The following TBC1D1 variants were observed in gnomAD, a reference collection of about 807,000 sequenced individuals.
TBC1D1 encodes the protein TBC1 domain family member 1.
Under a neutral mutation model 125.6 loss-of-function variants are expected in TBC1D1, and 89 were observed. The ratio of observed to expected loss-of-function variants is 0.71; its 90% confidence interval spans 0.60 to 0.85. The LOEUF is 0.85. Ranked by LOEUF, TBC1D1 falls within the 40% of genes least tolerant of loss-of-function variation. The probability of loss-of-function intolerance (pLI) is 0.00; values close to 1 mark genes in which losing one functional copy is unlikely to be tolerated. For synonymous variants in TBC1D1, 565 were observed against 564.1 expected, an observed-to-expected ratio of 1.00 and a Z score of -0.02; for missense variants, 1,377 against 1,469.2, an observed-to-expected ratio of 0.94 and a Z score of 1.03.
intron 12 of TBC1D1, among the ~76,000 whole-genome samples, chr4:38,077,006 A>G (rs1452602318): frequency 6.6e-6 from 1 of 152,096 alleles, no homozygotes; most frequent in Non-Finnish European, 1.5e-5. Context: ...ACTCAGATTT[A>G]GGCTCCGTTT....
chr4:38,098,924 G>T (rs892194115), intron 14 of TBC1D1, among the ~76,000 whole-genome samples: 2 of 152,128 alleles, frequency 1.3e-5, no homozygotes, highest in Non-Finnish European at 2.9e-5. Context: ...CAGGATTAGG[G>T]TATCAATTTA....
intron 12 of TBC1D1, among the ~76,000 whole-genome samples, chr4:38,059,312 C>T (rs563497029): frequency 6.6e-6 from 1 of 152,280 alleles, no homozygotes; most frequent in African/African-American, 2.4e-5. Context: ...TCCTGAACCT[C>T]AGAGGGTCCC....
intron 1 of TBC1D1, among the ~76,000 whole-genome samples, chr4:37,892,830 G>A (rs547493271): frequency 2.0e-5 from 3 of 151,994 alleles, no homozygotes; most frequent in South Asian, 2.1e-4. Flanking sequence ...AGGAGGAAAC[G>A]TGCAACTCTG....
intron 2 of TBC1D1, among the ~76,000 whole-genome samples, chr4:37,971,997 A>C (rs1229692985): frequency 6.6e-6 from 1 of 151,992 alleles, no homozygotes; most frequent in African/African-American, 2.4e-5. Flanking sequence ...TGAGAATTTG[A>C]CCTTTGCTCC....
intron 2 of TBC1D1, among the ~76,000 whole-genome samples, chr4:37,948,379 G>C (rs1727155835): frequency 1.3e-5 from 2 of 152,294 alleles, no homozygotes; most frequent in African/African-American, 4.8e-5. Flanking sequence ...GTTAATTCCA[G>C]CCCTATGGGA....
intron 2 of TBC1D1, among the ~76,000 whole-genome samples, chr4:38,003,468 CA>C (rs1220732025): frequency 6.6e-6 from 1 of 152,276 alleles, no homozygotes; most frequent in East Asian, 1.9e-4. Context: ...ATATGACTGG[CA>C]TTATCTATTG....
chr4:38,070,613 T>C (rs1754538896), intron 12 of TBC1D1, among the ~76,000 whole-genome samples: 1 of 152,210 alleles, frequency 6.6e-6, no homozygotes, highest in African/African-American at 2.4e-5. Flanking sequence ...GATTTTGGAA[T>C]ATTTACCAAA....
chr4:37,901,460 C>T (rs1457954117), intron 1 of TBC1D1, among the ~76,000 whole-genome samples: 1 of 152,060 alleles, frequency 6.6e-6, no homozygotes, highest in Non-Finnish European at 1.5e-5. Context: ...CCTGGCCTAA[C>T]ATTGATATCT....
intron 2 of TBC1D1, among the ~76,000 whole-genome samples, chr4:38,001,223 AAAAGAAAG>A (rs34403727): frequency 6.7e-6 from 1 of 149,956 alleles, no homozygotes; most frequent in African/African-American, 2.5e-5. Flanking sequence ...CCGTCTCAAA[AAAAGAAAG>A]AAAGAAAGAA....
intron 2 of TBC1D1, among the ~76,000 whole-genome samples, chr4:37,974,580 C>T (rs1732684240): frequency 6.7e-6 from 1 of 149,626 alleles, no homozygotes; most frequent in African/African-American, 2.5e-5. Flanking sequence ...TTTTTTGAGA[C>T]AGAGTCTCAC....
chr4:37,906,107 T>G (rs564743364), intron 2 of TBC1D1, among the ~76,000 whole-genome samples: 3 of 152,350 alleles, frequency 2.0e-5, no homozygotes, highest in African/African-American at 7.2e-5. Context: ...GATGGTCTGC[T>G]GCTGCAGGCT....
At chr4:37,937,280 T>C (rs996899579) in intron 2 of TBC1D1, among the ~76,000 whole-genome samples, 1 of 152,018 alleles carries the variant, frequency 6.6e-6, no homozygotes, top group African/African-American at 2.4e-5. Flanking sequence ...CGGGAGAGAG[T>C]GAATATTTAT....
At chr4:37,923,719 A>T (rs368067063) in intron 2 of TBC1D1, among the ~76,000 whole-genome samples, 24 of 136,662 alleles carry the variant, frequency 1.8e-4, no homozygotes, top group African/African-American at 6.4e-4. Context: ...TCACTCTGTC[A>T]CCCAGGCTGG....
At position 37,977,272 on chromosome 4, in the gene TBC1D1, C is replaced by T. The variant is rs1733319719; in HGVS notation, c.418-37237C>T. 6.7e-6 allele frequency: 1 copy of T among 149,234 alleles called. No homozygotes were observed. The highest frequency in any genetic ancestry group is 6.6e-5 in the Admixed American group (1 of 15,062). The allele number at this position is 149,234 out of a possible 1,614,324, so 9.2% of individuals were successfully genotyped here. On this transcript the variant is annotated intron_variant, in intron 2 of 19. Transcript: ENST00000261439. The surrounding 1 kb of genome is among the most constrained non-coding windows in gnomAD (Gnocchi z 4.3). ...CTCCTCCCCCCGCCCACCCCCTCCC[C>T]GCGCTCTCCCCTCCCACTTCCCTTT...
intron 12 of TBC1D1, among the ~76,000 whole-genome samples, chr4:38,083,065 G>C (rs566865401): frequency 1.3e-5 from 2 of 152,234 alleles, no homozygotes; most frequent in Admixed American, 6.5e-5. Context: ...CTCAGGCAGA[G>C]TTAGGTGCTC....
At chr4:38,107,994 G>C (rs1314225018) in intron 15 of TBC1D1, among the ~76,000 whole-genome samples, 1 of 152,194 alleles carries the variant, frequency 6.6e-6, no homozygotes, top group Non-Finnish European at 1.5e-5. Flanking sequence ...ACTGCTCTCA[G>C]CTTAGCAGAT....
At chr4:38,096,164 A>G in intron 14 of TBC1D1, 74 bp downstream of exon 16, 2 of 1,330,172 alleles carry the variant, frequency 1.5e-6, no homozygotes, top group Non-Finnish European at 2.1e-6. Context: ...GAATTAAAAA[A>G]AAGTCAAGTC....
chr4:38,117,484 T>C (rs1182833718), intron 16 of TBC1D1, among the ~76,000 whole-genome samples: 1 of 152,250 alleles, frequency 6.6e-6, no homozygotes, highest in East Asian at 1.9e-4. Flanking sequence ...TGTCTTCTTG[T>C]TTTAACTTGC....
Position 38,020,611 on chromosome 4 carries a change from C to T in TBC1D1, c.993C>T (p.His331=). The change falls in exon 5 of 20, where the codon CAC becomes CAT. Residue 331 remains histidine, a synonymous_variant. Coordinates refer to ENST00000261439, the MANE Select transcript of TBC1D1 (RefSeq NM_015173.4). ...GGCAGGGCATCAGACACGTGGACCA[C>T]TTTGGGTTTATCTGTCGGGAGTCTT... is the stretch of plus-strand genomic sequence containing the variant. 6.2e-7 allele frequency: 1 copy of T among 1,613,112 alleles called. No homozygotes were observed. Among genetic ancestry groups the T allele is most frequent in the Non-Finnish European group, 8.5e-7 (1 of 1,179,362 alleles).
Sources: allele counts gnomAD v4.1 joint callset (sites outside exome capture counted in the v4.1 genomes callset), GRCh38; gene constraint gnomAD v4.1.1; non-coding constraint Gnocchi (gnomAD v3.1); transcripts MANE v1.5; gene names NCBI Gene and HGNC (gene_info 2026-07-23, HGNC 2026-07-21).